The following ENPP6 variants were observed in gnomAD, a reference collection of about 807,000 sequenced individuals.
ENPP6 encodes the protein glycerophosphocholine cholinephosphodiesterase ENPP6.
A neutral mutation model predicts 42.0 loss-of-function variants in ENPP6; 32 were observed. The ratio of observed to expected loss-of-function variants is 0.76; its 90% confidence interval spans 0.58 to 1.02. The LOEUF is 1.02. Ranked by LOEUF, ENPP6 falls within the 50% of genes least tolerant of loss-of-function variation. ENPP6 has a pLI of 0.00. For missense variants in ENPP6, 552 were observed against 566.8 expected (o/e 0.97, Z 0.27); for synonymous variants, 213 against 216.0 (o/e 0.99, Z 0.12).
chr4:184,114,205 A>G (rs1736277250), intron 5 of ENPP6, among the ~76,000 whole-genome samples: 1 of 152,080 alleles, frequency 6.6e-6, no homozygotes, highest in African/African-American at 2.4e-5. Context: ...ACCTCAGGTG[A>G]TCCACCCACC....
chr4:184,157,419 T>TTCTCTCTTTCTCTCTTTCTC (rs149313850), intron 1 of ENPP6, among the ~76,000 whole-genome samples: 8 of 150,658 alleles, frequency 5.3e-5, no homozygotes, highest in African/African-American at 1.5e-4. Context: ...CTTTCTTTCT[T>TTCTCTCTTTCTCTCTTTCTC]TCTTTCTTTC....
intron 1 of ENPP6, among the ~76,000 whole-genome samples, chr4:184,188,838 G>C (rs1041356565): frequency 1.1e-4 from 16 of 152,152 alleles, no homozygotes; most frequent in Admixed American, 2.0e-4. Flanking sequence ...CATTTTATGT[G>C]ACGGAGGAGG....
At position 184,088,725 on chromosome 4, in the gene ENPP6, G is replaced by A. The variant is rs1027073555; in HGVS notation, c.*2452C>T. 1 of 152,174 alleles carries A rather than the reference G, an allele frequency of 6.6e-6. No homozygotes were observed. The highest frequency in any genetic ancestry group is 2.4e-5 in the African/African-American group (1 of 41,442). The allele number at this position is 152,174 out of a possible 1,614,324, so 9.4% of individuals were successfully genotyped here. A position where few individuals can be genotyped will look rare whatever the true frequency, so the allele number is the denominator to read the frequency against. On this transcript the variant is annotated 3_prime_UTR_variant, in exon 8 of 8. Coordinates refer to ENST00000296741, the MANE Select transcript of ENPP6 (RefSeq NM_153343.4). ...AATATATGCATTATTTAAGTAAAAA[G>A]CTTTATTTTTTTCCCTCAGTGTCTG... is the stretch of plus-strand genomic sequence containing the variant.
At chr4:184,215,129 C>A (rs766956615) in intron 1 of ENPP6, among the ~76,000 whole-genome samples, 15 of 152,204 alleles carry the variant, frequency 9.9e-5, no homozygotes, top group Non-Finnish European at 2.2e-4. Flanking sequence ...AGCAAGTTCT[C>A]CCAGCTCAAG....
intron 2 of ENPP6, among the ~76,000 whole-genome samples, chr4:184,145,229 C>G (rs542739869): frequency 2.0e-5 from 3 of 152,228 alleles, no homozygotes; most frequent in Non-Finnish European, 4.4e-5. Context: ...CAGTCCTTCC[C>G]GAGTCCCTTC....
intron 1 of ENPP6, chr4:184,204,074 G>A (rs35785684): frequency 6.6e-6 from 1 of 152,012 alleles, no homozygotes; most frequent in Non-Finnish European, 1.5e-5. Context: ...CCTTCCCCCT[G>A]TGTCTATATG....
rs910145035 is a variant in ENPP6 at position 184,097,514 on chromosome 4, C to T, written c.994-146G>A. 17 of 1,185,746 alleles carry T rather than the reference C, an allele frequency of 1.4e-5. 1 individual carries two copies. The South Asian group carries it at 2.6e-4, about 18-fold the overall frequency. The allele number at this position is 1,185,746 out of a possible 1,614,324, so 73.5% of individuals were successfully genotyped here. On this transcript the variant is annotated intron_variant, in intron 6 of 7. Transcript: ENST00000296741. Reference sequence around the variant, plus strand: ...GACTGACCCAACCTCCGCTGCGGCACTTCCTGCTCCAGGCCGCTCAGACCT... The same window carrying T: ...GACTGACCCAACCTCCGCTGCGGCATTTCCTGCTCCAGGCCGCTCAGACCT...
At chr4:184,198,080 T>C (rs1221962858) in intron 1 of ENPP6, among the ~76,000 whole-genome samples, 1 of 152,186 alleles carries the variant, frequency 6.6e-6, no homozygotes, top group Non-Finnish European at 1.5e-5. Context: ...CAGAAGCCAG[T>C]GAGATCAAAA....
intron 6 of ENPP6, among the ~76,000 whole-genome samples, chr4:184,097,849 G>A (rs905886260): frequency 3.9e-5 from 6 of 152,178 alleles, no homozygotes; most frequent in African/African-American, 1.4e-4. Context: ...GGGGCTGGGG[G>A]CTAGACAGCT....
chr4:184,183,430 T>C (rs1346966078), intron 1 of ENPP6, among the ~76,000 whole-genome samples: 1 of 152,162 alleles, frequency 6.6e-6, no homozygotes, highest in Admixed American at 6.5e-5. Context: ...AGATTAGATA[T>C]TCTGTAGGTA....
chr4:184,153,494 C>A, intron 2 of ENPP6, 60 bp downstream of exon 2: 1 of 1,505,454 alleles, frequency 6.6e-7, no homozygotes, highest in South Asian at 1.3e-5. Flanking sequence ...AACTTGACAC[C>A]GACTGTCCTC....
intron 1 of ENPP6, among the ~76,000 whole-genome samples, chr4:184,199,136 C>T (rs570376663): frequency 2.0e-5 from 3 of 152,348 alleles, no homozygotes; most frequent in Non-Finnish European, 2.9e-5. Context: ...CTGCTTGGAA[C>T]GTCTCAGGCT....
intron 1 of ENPP6, among the ~76,000 whole-genome samples, chr4:184,186,138 T>G (rs1405183665): frequency 6.6e-6 from 1 of 152,194 alleles, no homozygotes; most frequent in Non-Finnish European, 1.5e-5. Context: ...ACATAGATAT[T>G]CATAATACTA....
intron 2 of ENPP6, among the ~76,000 whole-genome samples, chr4:184,152,858 A>T (rs1737079645): frequency 6.6e-6 from 1 of 152,198 alleles, no homozygotes; most frequent in Non-Finnish European, 1.5e-5. Context: ...CTACCAAAAA[A>T]TAGCGAGTGC....
At chr4:184,149,047 C>T (rs1736974421) in intron 2 of ENPP6, among the ~76,000 whole-genome samples, 1 of 152,166 alleles carries the variant, frequency 6.6e-6, no homozygotes, top group Admixed American at 6.5e-5. Flanking sequence ...ATTACATAAA[C>T]CACAAAGTCT....
Position 184,094,780 on chromosome 4 carries a change from G to C in ENPP6, c.1117+2465C>G, listed in dbSNP as rs548010429. On this transcript the variant is annotated intron_variant, in intron 7 of 7. Transcript: ENST00000296741. ...AGGCAGCTCACTGACTCCCACTCCT[G>C]CTGTCTTATCTCAAACGTGGAGTTC... 3.3e-5 allele frequency among the ~76,000 whole-genome samples: 5 copies of C among 152,382 alleles called. No homozygotes were observed. The South Asian group carries it at 8.3e-4, about 25-fold the overall frequency.
chr4:184,102,288 G>T (rs571641721), intron 6 of ENPP6, among the ~76,000 whole-genome samples: 1 of 152,270 alleles, frequency 6.6e-6, no homozygotes, highest in African/African-American at 2.4e-5. Context: ...GCGAGGCTGC[G>T]CTGGGAGTGA....
intron 1 of ENPP6, among the ~76,000 whole-genome samples, chr4:184,175,263 C>T (rs1183187928): frequency 6.6e-6 from 1 of 152,202 alleles, no homozygotes. Context: ...CAAGCCCATA[C>T]ACATCTCCCT....
intron 3 of ENPP6, among the ~76,000 whole-genome samples, chr4:184,120,317 G>A (rs1328412183): frequency 2.6e-5 from 4 of 152,320 alleles, no homozygotes; most frequent in African/African-American, 9.6e-5. Context: ...AGGCACCACT[G>A]AGGCTCTGGG....
Sources: allele counts gnomAD v4.1 joint callset (sites outside exome capture counted in the v4.1 genomes callset), GRCh38; gene constraint gnomAD v4.1.1; transcripts MANE v1.5; gene names NCBI Gene and HGNC (gene_info 2026-07-23, HGNC 2026-07-21).